FRK: variants seen among roughly 807,000 people sequenced by gnomAD.
FRK encodes tyrosine-protein kinase FRK.
FRK carries 51 observed loss-of-function variants against 56.4 expected under a neutral mutation model. The ratio of observed to expected loss-of-function variants is 0.90; its 90% CI spans 0.72 to 1.14. The LOEUF is 1.14. Ranked by LOEUF, FRK falls within the 50% of genes most tolerant of loss-of-function variation. The pLI is 0.00. For missense variants in FRK, 570 were observed against 601.4 expected, an observed-to-expected ratio of 0.95 and a Z score of 0.55; for synonymous variants, 245 against 217.9, an observed-to-expected ratio of 1.12 and a Z score of -1.10.
upstream of FRK, among the ~76,000 whole-genome samples, chr6:116,064,433 TAAAG>T (rs1562313608): frequency 6.6e-6 from 1 of 151,456 alleles, no homozygotes; most frequent in Non-Finnish European, 1.5e-5. Context: ...AACACAGAAA[TAAAG>T]AAAAAGAAAC....
chr6:116,016,894 T>C (rs146075557), intron 1 of FRK, among the ~76,000 whole-genome samples: 49 of 152,244 alleles, frequency 3.2e-4, no homozygotes, highest in African/African-American at 1.2e-3. Flanking sequence ...TAGTAGAAAC[T>C]GAACACATCC....
chr6:116,077,231 A>G, the FRK span, among the ~76,000 whole-genome samples: 115 of 152,348 alleles, frequency 7.5e-4, 2 homozygotes, highest in East Asian at 0.019. Context: ...CTGAAGTCAC[A>G]CATCAAGAAC....
rs373998734 is a variant in FRK at position 115,993,276 on chromosome 6, T to C, written c.466+10601A>G. 1.3e-4 allele frequency among the ~76,000 whole-genome samples: 20 copies of C among 151,920 alleles called. 1 individual carries two copies. The highest frequency in any genetic ancestry group is 9.6e-4 in the East Asian group (5 of 5,196). On this transcript the variant is annotated intron_variant, in intron 2 of 7. Coordinates refer to ENST00000606080, the MANE Select transcript of FRK (RefSeq NM_002031.3). ...ATCAACAGTCAGGCAAAATGTATAC[T>C]TATCAACTTTTTAAATAAGTTATGA...
At chr6:116,021,311 T>C (rs1416639857) in intron 1 of FRK, among the ~76,000 whole-genome samples, 1 of 152,042 alleles carries the variant, frequency 6.6e-6, no homozygotes, top group Non-Finnish European at 1.5e-5. Flanking sequence ...CATACATCAT[T>C]TTGATGTCAG....
intron 1 of FRK, among the ~76,000 whole-genome samples, chr6:116,055,874 T>C (rs1777375415): frequency 6.6e-6 from 1 of 152,204 alleles, no homozygotes; most frequent in South Asian, 2.1e-4. Context: ...CTTAATAGAA[T>C]CTTCATTTAT....
chr6:116,025,733 T>C (rs1776063467), intron 1 of FRK, among the ~76,000 whole-genome samples: 1 of 152,204 alleles, frequency 6.6e-6, no homozygotes, highest in South Asian at 2.1e-4. Flanking sequence ...TACTAATATG[T>C]GTGTGTTATA....
At chr6:116,038,916 C>G in intron 1 of FRK, 1 of 622,770 alleles carries the variant, frequency 1.6e-6, no homozygotes, top group Non-Finnish European at 3.1e-6. Flanking sequence ...GCCCCAGAAG[C>G]TAGAGCCCAA....
chr6:115,997,913 G>A (rs543873797), intron 2 of FRK, among the ~76,000 whole-genome samples: 119 of 152,298 alleles, frequency 7.8e-4, no homozygotes, highest in African/African-American at 2.6e-3. Flanking sequence ...AGCAAAAGAA[G>A]CTGCCATTTC....
At chr6:116,029,659 C>G (rs1268085417) in intron 1 of FRK, among the ~76,000 whole-genome samples, 1 of 152,140 alleles carries the variant, frequency 6.6e-6, no homozygotes, top group Non-Finnish European at 1.5e-5. Context: ...AACTATTCAT[C>G]TATTCTACAG....
At chr6:116,059,316 T>C (rs929368466) in intron 1 of FRK, among the ~76,000 whole-genome samples, 1 of 152,158 alleles carries the variant, frequency 6.6e-6, no homozygotes, top group Non-Finnish European at 1.5e-5. Flanking sequence ...CTATCAAAAT[T>C]TACCAAATGT....
chr6:115,966,174 A>C (rs1467477804), intron 4 of FRK, among the ~76,000 whole-genome samples: 1 of 152,080 alleles, frequency 6.6e-6, no homozygotes, highest in African/African-American at 2.4e-5. Flanking sequence ...TCTTCACTTA[A>C]TTCTTAACTA....
intron 1 of FRK, among the ~76,000 whole-genome samples, chr6:116,038,401 T>C (rs1185731851): frequency 6.6e-6 from 1 of 152,046 alleles, no homozygotes; most frequent in African/African-American, 2.4e-5. Flanking sequence ...ATATGTTCTA[T>C]AGAATAACAA....
At chr6:116,096,510 T>C in the FRK span, among the ~76,000 whole-genome samples, 1 of 152,024 alleles carries the variant, frequency 6.6e-6, no homozygotes, top group African/African-American at 2.4e-5. Context: ...CAGCACTCTG[T>C]AAAAACGCAC....
At chr6:116,094,376 G>C in the FRK span, among the ~76,000 whole-genome samples, 13 of 152,198 alleles carry the variant, frequency 8.5e-5, no homozygotes, top group Non-Finnish European at 1.3e-4. Context: ...ACACTGGCGT[G>C]GCTTTCTCAG....
At chr6:116,086,530 C>T in the FRK span, among the ~76,000 whole-genome samples, 1 of 152,044 alleles carries the variant, frequency 6.6e-6, no homozygotes, top group South Asian at 2.1e-4. Context: ...AAATGGTCTA[C>T]CAAAGGTCAA....
chr6:116,096,014 G>A, the FRK span, among the ~76,000 whole-genome samples: 3 of 152,220 alleles, frequency 2.0e-5, no homozygotes, highest in Non-Finnish European at 2.9e-5. Context: ...CAGCCATCTT[G>A]CCATTACTCG....
chr6:115,951,487 A>T lies in FRK; in HGVS notation c.958+4965T>A, dbSNP rs568394267. ...TACTGGGGGAAAAACAAGCCAAACT[A>T]AACTTTTTAAAAATGGAGATATTTA... On this transcript the variant is annotated intron_variant, in intron 5 of 7. Transcript: ENST00000606080. 2.8e-3 allele frequency among the ~76,000 whole-genome samples: 430 copies of T among 152,338 alleles called. 4 individuals are homozygous for T. The highest frequency in any genetic ancestry group is 9.9e-3 in the African/African-American group (413 of 41,578).
chr6:115,982,862 A>G (rs1057050466), intron 2 of FRK, among the ~76,000 whole-genome samples: 1 of 152,094 alleles, frequency 6.6e-6, no homozygotes, highest in Non-Finnish European at 1.5e-5. Context: ...ACTTGAGGTT[A>G]GGAGTTTGAG....
chr6:116,014,040 G>A (rs1775562511), intron 1 of FRK, among the ~76,000 whole-genome samples: 1 of 152,032 alleles, frequency 6.6e-6, no homozygotes, highest in Admixed American at 6.6e-5. Flanking sequence ...TTCAGCCCTG[G>A]GGCTTATCAT....
Sources: allele counts gnomAD v4.1 joint callset (sites outside exome capture counted in the v4.1 genomes callset), GRCh38; gene constraint gnomAD v4.1.1; transcripts MANE v1.5; gene names NCBI Gene and HGNC (gene_info 2026-07-23, HGNC 2026-07-21).